PCGF3: variants seen among roughly 807,000 people sequenced by gnomAD.
PCGF3 encodes polycomb group ring finger 3, also known as polycomb group RING finger protein 3.
In PCGF3, 7 loss-of-function variants were observed where a neutral mutation model predicts 33.1. The ratio of observed to expected loss-of-function variants is 0.21; its 90% CI spans 0.12 to 0.40. The LOEUF is 0.40. Among genes scored for constraint, PCGF3 ranks in the 10% least tolerant of loss-of-function variants. The pLI is 1.00. For missense variants in PCGF3, 211 were observed against 313.3 expected (o/e 0.67, Z 2.46); for synonymous variants, 153 against 121.3 (o/e 1.26, Z -1.72).
chr4:744,577 C>G (rs931332817), intron 7 of PCGF3, 23 bp from the exon 8 acceptor site: 3 of 1,522,170 alleles, frequency 2.0e-6, no homozygotes, highest in Non-Finnish European at 2.7e-6. Flanking sequence ...TCATGGTGCG[C>G]TATGTTCTGT....
intron 1 of PCGF3, among the ~76,000 whole-genome samples, chr4:711,696 A>C (rs1742577556): frequency 6.6e-6 from 1 of 151,456 alleles, no homozygotes; most frequent in South Asian, 2.1e-4. Context: ...TGACCTCATG[A>C]TCCACCCGCC....
intron 1 of PCGF3, among the ~76,000 whole-genome samples, chr4:710,639 C>CGTCA (rs1395136963): frequency 1.3e-5 from 2 of 152,080 alleles, no homozygotes; most frequent in East Asian, 3.8e-4. Context: ...CCGATGTCAC[C>CGTCA]GTCATGATTG....
intron 10 of PCGF3, 40 bp downstream of exon 10, chr4:765,104 G>A: frequency 7.3e-7 from 1 of 1,372,890 alleles, no homozygotes; most frequent in Non-Finnish European, 1.0e-6. Flanking sequence ...TGCTCTGAAT[G>A]GCAGTGACTT....
chr4:752,549 G>A (rs1165067063), intron 8 of PCGF3, among the ~76,000 whole-genome samples: 1 of 152,202 alleles, frequency 6.6e-6, no homozygotes, highest in African/African-American at 2.4e-5. Context: ...TCCGGGGACC[G>A]GGCGGGCAAG....
chr4:732,294 C>G (rs969234876), intron 3 of PCGF3: 2 of 151,678 alleles, frequency 1.3e-5, no homozygotes, highest in African/African-American at 4.9e-5. Flanking sequence ...GTGGGGCTCC[C>G]CCTCACCTCC....
At position 722,363 on chromosome 4, in the gene PCGF3, G is replaced by A. The variant is rs551328663; in HGVS notation, c.-189-8267G>A. Reference sequence around the variant, plus strand: ...CAGCAGCTCCTCCCAGCATCCCGCAGCTAAATGACAGGAGCTGGAGGCTGC... The same window carrying A: ...CAGCAGCTCCTCCCAGCATCCCGCAACTAAATGACAGGAGCTGGAGGCTGC... On this transcript the variant is annotated intron_variant, in intron 1 of 10. Transcript: ENST00000362003. 6 of 196,192 alleles carry A rather than the reference G, an allele frequency of 3.1e-5. No homozygotes were observed. The South Asian group carries it at 4.6e-4, about 15-fold the overall frequency. 12.2% of individuals were successfully genotyped at this position (196,192 alleles called of 1,614,324 possible).
At chr4:706,886 C>T (rs1235598080) in intron 1 of PCGF3, among the ~76,000 whole-genome samples, 1 of 136,212 alleles carries the variant, frequency 7.3e-6, no homozygotes, top group Non-Finnish European at 1.6e-5. Context: ...CAGGCAGGAC[C>T]CAGGGAGGGC....
At chr4:717,039 G>T (rs111796132) in intron 1 of PCGF3, among the ~76,000 whole-genome samples, 2 of 147,236 alleles carry the variant, frequency 1.4e-5, no homozygotes, top group South Asian at 4.6e-4. Flanking sequence ...GACACTGAGG[G>T]TGAGAACTGG....
intron 9 of PCGF3, among the ~76,000 whole-genome samples, chr4:764,297 A>AT (rs1025955169): frequency 1.3e-4 from 20 of 152,216 alleles, no homozygotes; most frequent in South Asian, 4.1e-4. Flanking sequence ...AAAAAGTCTA[A>AT]TTTTTTTAAA....
intron 7 of PCGF3, among the ~76,000 whole-genome samples, 185 bp from the exon 8 acceptor site, chr4:744,415 C>T (rs1319947005): frequency 6.6e-6 from 1 of 152,256 alleles, no homozygotes; most frequent in African/African-American, 2.4e-5. Context: ...CACGCCCGTT[C>T]TGCATCCTGG....
exon 11 of PCGF3, chr4:766,975 G>A (rs1038646583): frequency 6.6e-6 from 1 of 152,354 alleles, no homozygotes; most frequent in Non-Finnish European, 1.5e-5. Flanking sequence ...GTGGTGGTTA[G>A]GATCAGAGCT....
At chr4:735,087 G>GT in intron 5 of PCGF3, 60 bp downstream of exon 5, 1 of 1,553,348 alleles carries the variant, frequency 6.4e-7, no homozygotes, top group Non-Finnish European at 8.8e-7. Context: ...GCGTCTCTGT[G>GT]TGTGGGCCTT....
chr4:711,454 C>CA (rs1365712139), intron 1 of PCGF3, among the ~76,000 whole-genome samples: 15 of 82,894 alleles, frequency 1.8e-4, no homozygotes, highest in Admixed American at 5.0e-4. Context: ...TTTTTTTTTT[C>CA]TTTTTTTTTT....
intron 8 of PCGF3, chr4:757,039 G>C (rs1744799481): frequency 6.6e-6 from 1 of 152,218 alleles, no homozygotes; most frequent in South Asian, 2.1e-4. Context: ...TATTGAAAAG[G>C]TTTAATTTTG....
At chr4:767,303 G>A (rs1462733501) in exon 11 of PCGF3, 1 of 152,052 alleles carries the variant, frequency 6.6e-6, no homozygotes, top group Non-Finnish European at 1.5e-5. Context: ...AGAATAAACA[G>A]CCACACACAC....
chr4:764,078 C>T lies in PCGF3; in HGVS notation c.601-906C>T, dbSNP rs139453471. ...AGTGGGCGGGCACAGGGCTCCTGGG[C>T]GGCGATGCTGCTGTTTGTCCACCTG... On this transcript the variant is annotated intron_variant, in intron 9 of 10. Coordinates refer to ENST00000362003, the Ensembl canonical transcript of PCGF3. Among the ~76,000 whole-genome samples the T allele has an allele frequency of 3.1e-3, 466 of 152,110 alleles. 1 individual carries two copies. Among genetic ancestry groups the T allele is most frequent in the African/African-American group, 0.01 (432 of 41,476 alleles).
intron 9 of PCGF3, among the ~76,000 whole-genome samples, chr4:763,823 A>G (rs185518780): frequency 4.9e-4 from 74 of 152,364 alleles, no homozygotes; most frequent in African/African-American, 1.7e-3. Flanking sequence ...TTCAGTAGAT[A>G]AGTGGAAAAA....
chr4:741,065 C>T (rs1744069286), intron 6 of PCGF3, among the ~76,000 whole-genome samples: 2 of 152,246 alleles, frequency 1.3e-5, no homozygotes, highest in Non-Finnish European at 2.9e-5. Flanking sequence ...CACCGACTTT[C>T]TCATCCGTCA....
intron 9 of PCGF3, among the ~76,000 whole-genome samples, chr4:764,191 C>T (rs984025619): frequency 1.3e-5 from 2 of 152,172 alleles, no homozygotes; most frequent in East Asian, 3.8e-4. Flanking sequence ...ACTAATGTGC[C>T]CCCATGCAGG....
Sources: gnomAD v4.1 joint callset for allele counts (sites outside exome capture counted in the v4.1 genomes callset) on GRCh38, gnomAD v4.1.1 for gene constraint, MANE v1.5 for transcripts, NCBI Gene and HGNC (gene_info 2026-07-23, HGNC 2026-07-21) for gene names.